The following COL13A1 variants were observed in gnomAD, a reference collection of about 807,000 sequenced individuals.
COL13A1 encodes the protein collagen alpha-1(XIII) chain.
In COL13A1, 89 loss-of-function variants were observed where a neutral mutation model predicts 130.9. The observed-to-expected ratio is 0.68, with a 90% CI of 0.57 to 0.81. The LOEUF (loss-of-function observed/expected upper bound fraction) is 0.81, where lower values mean the gene tolerates loss of function less well. COL13A1 is among the 30% of genes least tolerant of loss of function. COL13A1 has a pLI of 0.00. For synonymous variants in COL13A1, 402 were observed against 341.6 expected (o/e 1.18, Z -1.95); for missense variants, 879 against 934.6 (o/e 0.94, Z 0.78).
intron 2 of COL13A1, among the ~76,000 whole-genome samples, chr10:69,857,777 A>G (rs1856839399): frequency 6.6e-6 from 1 of 152,140 alleles, no homozygotes; most frequent in African/African-American, 2.4e-5. Flanking sequence ...TCCACCTTAA[A>G]AGGCTTATAA....
Position 69,941,027 on chromosome 10 carries a change from A to G in COL13A1, c.1914+4A>G. ...GGACGGCAGGCCTGGGCCACCGGTG[A>G]GTGTCACTTCTCCATCACCCCTCAC... On this transcript the variant is annotated splice_donor_region_variant and intron_variant, in intron 35 of 40. Transcript: ENST00000645393. 1 of 1,613,672 alleles carries G rather than the reference A, an allele frequency of 6.2e-7. No homozygotes were observed. The highest frequency in any genetic ancestry group is 1.1e-5 in the South Asian group (1 of 91,038).
At chr10:69,894,447 T>C (rs1275302444) in intron 10 of COL13A1, 105 bp from the exon 11 acceptor site, 1 of 1,352,976 alleles carries the variant, frequency 7.4e-7, no homozygotes, top group Non-Finnish European at 1.0e-6. Flanking sequence ...CCATGGCTGG[T>C]AGAGCCCAGC....
chr10:69,830,735 T>C (rs1305778432), intron 2 of COL13A1, among the ~76,000 whole-genome samples: 1 of 152,194 alleles, frequency 6.6e-6, no homozygotes, highest in Non-Finnish European at 1.5e-5. Flanking sequence ...GTAATAACTT[T>C]ATTGCGATGT....
At chr10:69,908,281 G>A (rs2063000877) in intron 17 of COL13A1, among the ~76,000 whole-genome samples, 1 of 152,242 alleles carries the variant, frequency 6.6e-6, no homozygotes, top group Admixed American at 6.5e-5. Flanking sequence ...CCTGGTGAAT[G>A]AAATGGCAAG....
At chr10:69,891,096 G>T (rs961488422) in intron 10 of COL13A1, among the ~76,000 whole-genome samples, 5 of 152,136 alleles carry the variant, frequency 3.3e-5, no homozygotes, top group Non-Finnish European at 7.3e-5. Flanking sequence ...AGGTGCTAGG[G>T]ATACAGACGG....
intron 40 of COL13A1, 76 bp downstream of exon 40, chr10:69,957,118 C>A: frequency 7.5e-7 from 1 of 1,331,506 alleles, no homozygotes; most frequent in Non-Finnish European, 1.1e-6. Flanking sequence ...TCCATTCTGC[C>A]TTGCTACAGA....
chr10:69,829,276 A>G (rs373655416), intron 2 of COL13A1: 2 of 984,978 alleles, frequency 2.0e-6, no homozygotes, highest in African/African-American at 1.7e-5. Flanking sequence ...CTTTACACAG[A>G]AGCCAGAATG....
chr10:69,907,803 T>C (rs1271979547), intron 17 of COL13A1, among the ~76,000 whole-genome samples: 1 of 152,012 alleles, frequency 6.6e-6, no homozygotes, highest in Admixed American at 6.6e-5. Context: ...CAATAACTAA[T>C]TCACTCCCAC....
chr10:69,850,273 G>A (rs1227748), intron 2 of COL13A1, among the ~76,000 whole-genome samples: 95,653 of 148,272 alleles, frequency 0.65, 32,136 homozygotes, highest in East Asian at 0.92. Context: ...TACGATACAG[G>A]GCAAAAGGCA....
intron 17 of COL13A1, among the ~76,000 whole-genome samples, chr10:69,912,328 G>T (rs936381063): frequency 2.6e-5 from 4 of 152,128 alleles, no homozygotes; most frequent in African/African-American, 9.7e-5. Context: ...ACTTCCTGCC[G>T]GCCCTAATTA....
intron 1 of COL13A1, among the ~76,000 whole-genome samples, chr10:69,822,069 C>T (rs1846217189): frequency 1.3e-5 from 2 of 152,204 alleles, no homozygotes; most frequent in Admixed American, 6.5e-5. Context: ...TCATTGTGCA[C>T]ATGAGCATGA....
intron 22 of COL13A1, 107 bp from the exon 23 acceptor site, chr10:69,922,601 C>T: frequency 3.1e-6 from 2 of 645,808 alleles, no homozygotes; most frequent in South Asian, 2.7e-5. Flanking sequence ...ATTCTGAAGG[C>T]CCCTGGTCCC....
intron 2 of COL13A1, among the ~76,000 whole-genome samples, chr10:69,865,991 T>C (rs1474242160): frequency 1.3e-5 from 2 of 152,210 alleles, no homozygotes; most frequent in African/African-American, 4.8e-5. Flanking sequence ...TATTGCATAA[T>C]GGAAAACCCC....
intron 2 of COL13A1, among the ~76,000 whole-genome samples, chr10:69,844,868 G>A (rs1852577066): frequency 6.6e-6 from 1 of 152,248 alleles, no homozygotes; most frequent in African/African-American, 2.4e-5. Flanking sequence ...ATGGGATTGA[G>A]CTTTGCTCCT....
chr10:69,857,664 T>TA (rs1856814055), intron 2 of COL13A1, among the ~76,000 whole-genome samples: 2 of 146,834 alleles, frequency 1.4e-5, no homozygotes, highest in African/African-American at 5.0e-5. Context: ...CAGTCCCTGG[T>TA]GCCAAAAAGG....
At chr10:69,828,008 G>T (rs1225586717) in intron 2 of COL13A1, among the ~76,000 whole-genome samples, 1 of 152,196 alleles carries the variant, frequency 6.6e-6, no homozygotes, top group South Asian at 2.1e-4. Context: ...ATGAAGAAAA[G>T]ATTCAAGAGT....
chr10:69,822,783 A>T (rs1451925935), intron 2 of COL13A1, among the ~76,000 whole-genome samples: 2 of 152,230 alleles, frequency 1.3e-5, no homozygotes, highest in Admixed American at 1.3e-4. Flanking sequence ...AAGGGGAGGC[A>T]CCTTGCTTGC....
intron 35 of COL13A1, among the ~76,000 whole-genome samples, chr10:69,943,825 CT>C (rs2068034263): frequency 6.6e-6 from 1 of 152,266 alleles, no homozygotes; most frequent in Non-Finnish European, 1.5e-5. Context: ...CCAAGTGCTT[CT>C]GGGAGCAAAA....
At chr10:69,817,948 C>T (rs1845027274) in intron 1 of COL13A1, among the ~76,000 whole-genome samples, 1 of 152,078 alleles carries the variant, frequency 6.6e-6, no homozygotes, top group African/African-American at 2.4e-5. Context: ...CTGGGCAGGC[C>T]AAGAAAACAC....
Sources: allele counts gnomAD v4.1 joint callset (sites outside exome capture counted in the v4.1 genomes callset), GRCh38; gene constraint gnomAD v4.1.1; transcripts MANE v1.5; gene names NCBI Gene and HGNC (gene_info 2026-07-23, HGNC 2026-07-21).